PAX3: variants seen among roughly 807,000 people sequenced by gnomAD.
The protein encoded by PAX3 is paired box 3.
In PAX3, 14 loss-of-function variants were observed where a neutral mutation model predicts 51.6. The observed-to-expected ratio is 0.27, with a 90% CI of 0.18 to 0.42. The LOEUF is 0.42. Ranked by LOEUF, PAX3 falls within the 10% of genes least tolerant of loss-of-function variation. The pLI, the probability that PAX3 is intolerant of heterozygous loss-of-function variation, is 1.00. For synonymous variants in PAX3, 280 were observed against 253.4 expected (o/e 1.11, Z -1.00); for missense variants, 540 against 642.8 (o/e 0.84, Z 1.73).
intron 5 of PAX3, among the ~76,000 whole-genome samples, chr2:222,227,413 T>C (rs1208504122): frequency 6.6e-6 from 1 of 152,106 alleles, no homozygotes; most frequent in Non-Finnish European, 1.5e-5. Context: ...CTTGGCAACA[T>C]GGTGAAACCG....
At chr2:222,253,588 GA>G (rs11436918) in intron 4 of PAX3, among the ~76,000 whole-genome samples, 1 of 149,080 alleles carries the variant, frequency 6.7e-6, no homozygotes, top group East Asian at 1.9e-4. Flanking sequence ...TGTTTCCCAA[GA>G]AAAAAATAAG....
Position 222,200,225 on chromosome 2 carries a change from CACCACACAA to C in PAX3, c.*1174_*1182del. 4.6e-6 allele frequency: 1 copy of C among 219,422 alleles called. No individual in the cohort carries two copies. Among genetic ancestry groups the C allele is most frequent in the East Asian group, 6.7e-5 (1 of 14,842 alleles). The allele number at this position is 219,422 out of a possible 1,614,324, so 13.6% of individuals were successfully genotyped here. A position where few individuals can be genotyped will look rare whatever the true frequency, so the allele number is the denominator to read the frequency against. ...CAAATTTATTGACATTCTAAAATGT[CACCACACAA>C]ACGTATGTAAACCTCAGTTCCTATA... is the stretch of plus-strand genomic sequence containing the variant. On this transcript the variant is annotated 3_prime_UTR_variant, in exon 9 of 9. Coordinates refer to ENST00000392070, the MANE Select transcript of PAX3 (RefSeq NM_181458.4).
chr2:222,298,361 G>A, intron 1 of PAX3, 170 bp downstream of exon 1: 1 of 624,700 alleles, frequency 1.6e-6, no homozygotes, highest in Non-Finnish European at 2.8e-6. Flanking sequence ...TCCATTTGCA[G>A]AAAGGAAATC....
At chr2:222,215,916 C>T (rs1691936831) in intron 7 of PAX3, among the ~76,000 whole-genome samples, 2 of 152,038 alleles carry the variant, frequency 1.3e-5, no homozygotes, top group East Asian at 1.9e-4. Flanking sequence ...CATTATAAGC[C>T]CCATCTCCAA....
intron 4 of PAX3, chr2:222,262,543 T>A (rs1392097534): frequency 6.6e-6 from 1 of 152,136 alleles, no homozygotes; most frequent in African/African-American, 2.4e-5. Context: ...ACTCTTTGAT[T>A]TCTAAAACTC....
At chr2:222,270,732 C>A (rs184997278) in intron 4 of PAX3, among the ~76,000 whole-genome samples, 1 of 152,334 alleles carries the variant, frequency 6.6e-6, no homozygotes, top group Non-Finnish European at 1.5e-5. Flanking sequence ...GACATCAGAA[C>A]AATGTGAAAA....
At chr2:222,252,142 T>C (rs1483466843) in intron 4 of PAX3, among the ~76,000 whole-genome samples, 18 of 152,198 alleles carry the variant, frequency 1.2e-4, no homozygotes, top group Admixed American at 1.2e-3. Context: ...ATAAAGTCTA[T>C]TAGAATACAG....
At chr2:222,224,940 C>G (rs1692328115) in intron 5 of PAX3, among the ~76,000 whole-genome samples, 1 of 152,188 alleles carries the variant, frequency 6.6e-6, no homozygotes, top group African/African-American at 2.4e-5. Context: ...CACCCAATGT[C>G]TTTGCCAGTA....
chr2:222,259,770 C>T (rs1016428518), intron 4 of PAX3, among the ~76,000 whole-genome samples: 1 of 152,182 alleles, frequency 6.6e-6, no homozygotes, highest in Non-Finnish European at 1.5e-5. Context: ...TTTGCTTTAC[C>T]TAAAAGTAAA....
chr2:222,250,357 A>G lies in PAX3; in HGVS notation c.587-18074T>C, dbSNP rs145966941. Among the ~76,000 whole-genome samples, 38 of 152,288 alleles carry G rather than the reference A, an allele frequency of 2.5e-4. No homozygotes were observed. In the East Asian group the frequency reaches 6.6e-3, roughly 26 times the overall value. Reference sequence around the variant, plus strand: ...GCAAACAACCTTGAGTCAATTCAAGATTTTAGCCAGCATGTATAATCTTTT... The same window carrying G: ...GCAAACAACCTTGAGTCAATTCAAGGTTTTAGCCAGCATGTATAATCTTTT... On this transcript the variant is annotated intron_variant, in intron 4 of 8. Coordinates refer to ENST00000392070, the MANE Select transcript of PAX3 (RefSeq NM_181458.4).
At chr2:222,285,071 T>C (rs1694785864) in intron 4 of PAX3, among the ~76,000 whole-genome samples, 1 of 152,186 alleles carries the variant, frequency 6.6e-6, no homozygotes, top group African/African-American at 2.4e-5. Flanking sequence ...TGAACCTCAA[T>C]TGGGAAACTG....
intron 4 of PAX3, among the ~76,000 whole-genome samples, chr2:222,287,914 A>G (rs1694889274): frequency 6.6e-6 from 1 of 152,244 alleles, no homozygotes; most frequent in Non-Finnish European, 1.5e-5. Context: ...AAATGAGCAC[A>G]AAGAAAGAGA....
intron 4 of PAX3, among the ~76,000 whole-genome samples, chr2:222,261,602 A>C (rs1303640485): frequency 1.8e-5 from 2 of 108,318 alleles, no homozygotes; most frequent in African/African-American, 6.0e-5. Flanking sequence ...CAACAACAAC[A>C]AAAAAAAAAA....
chr2:222,231,565 T>C (rs547099042), intron 5 of PAX3, among the ~76,000 whole-genome samples: 1 of 152,384 alleles, frequency 6.6e-6, no homozygotes, highest in East Asian at 1.9e-4. Context: ...ATTTTCATAA[T>C]TGAAAGGTCA....
intron 6 of PAX3, among the ~76,000 whole-genome samples, 171 bp from the exon 7 acceptor site, chr2:222,220,525 A>T (rs1285950417): frequency 6.6e-6 from 1 of 152,206 alleles, no homozygotes; most frequent in African/African-American, 2.4e-5. Context: ...CATAACAGAT[A>T]CAGTCACACC....
intron 4 of PAX3, among the ~76,000 whole-genome samples, chr2:222,286,926 G>A (rs1004990883): frequency 1.3e-5 from 2 of 152,170 alleles, no homozygotes; most frequent in Admixed American, 6.5e-5. Context: ...TTCTTCTCTC[G>A]TGAATTGATG....
chr2:222,296,979 T>C lies in PAX3; in HGVS notation c.320A>G (p.Lys107Arg). The change falls in exon 2 of 9, where the codon AAG (lysine) becomes AGG (arginine). Residue 107 changes from lysine to arginine, a missense_variant and splice_region_variant. Lys to Arg is a conservative substitution (Grantham distance 26). Around this residue, in one of 3 missense-constraint regions of PAX3, gnomAD observed 50 missense variants for 109.3 expected, o/e 0.46. Coordinates refer to ENST00000392070, the MANE Select transcript of PAX3 (RefSeq NM_181458.4). ...GGAGGGCAAGGCCCGCCCGCTCACC[T>C]TGGGCTTGCTGCCGCCGATGGCACC... ...RPGAIGGSKP[K>R]QVTTPDVEKK... The C allele has an allele frequency of 6.2e-7, 1 of 1,612,404 alleles. No homozygotes were observed. Among genetic ancestry groups the C allele is most frequent in the Non-Finnish European group, 8.5e-7 (1 of 1,179,318 alleles).
At chr2:222,288,484 G>A (rs1489596949) in intron 4 of PAX3, among the ~76,000 whole-genome samples, 1 of 152,202 alleles carries the variant, frequency 6.6e-6, no homozygotes, top group Non-Finnish European at 1.5e-5. Context: ...GAGAGATGTA[G>A]TCAATATAAC....
intron 3 of PAX3, among the ~76,000 whole-genome samples, chr2:222,294,669 C>T (rs1030265928): frequency 1.3e-5 from 2 of 151,768 alleles, no homozygotes; most frequent in Non-Finnish European, 2.9e-5. Context: ...CTCCCACCAG[C>T]CCACCGGGTA....
Sources: gnomAD v4.1 joint callset for allele counts (sites outside exome capture counted in the v4.1 genomes callset) on GRCh38, gnomAD v4.1.1 for gene constraint, gnomAD v4.1.1 regional missense constraint, MANE v1.5 for transcripts, NCBI Gene and HGNC (gene_info 2026-07-23, HGNC 2026-07-21) for gene names.